METTL4: variants seen among roughly 807,000 people sequenced by gnomAD.
The protein encoded by METTL4 is N(6)-adenine-specific methyltransferase METTL4.
In METTL4, 40 loss-of-function variants were observed where a neutral mutation model predicts 54.0. The observed-to-expected ratio is 0.74, with a 90% CI of 0.58 to 0.96. METTL4 has a LOEUF of 0.96. METTL4 is among the 50% of genes least tolerant of loss of function. The pLI is 0.00. For missense variants in METTL4, 525 were observed against 549.0 expected, an observed-to-expected ratio of 0.96 and a Z score of 0.44; for synonymous variants, 169 against 183.8, an observed-to-expected ratio of 0.92 and a Z score of 0.65.
intron 3 of METTL4, among the ~76,000 whole-genome samples, chr18:2,560,670 G>A (rs796928182): frequency 4.6e-5 from 7 of 152,284 alleles, no homozygotes; most frequent in African/African-American, 1.7e-4. Context: ...GAGGTCAGGA[G>A]ATTGAGATCA....
At chr18:2,562,230 G>A (rs2072332431) in intron 3 of METTL4, 1 of 152,214 alleles carries the variant, frequency 6.6e-6, no homozygotes, top group Non-Finnish European at 1.5e-5. Flanking sequence ...AAAATTAGCT[G>A]AGCGTGGTGG....
At chr18:2,551,297 C>T (rs1384684788) in intron 5 of METTL4, among the ~76,000 whole-genome samples, 1 of 151,638 alleles carries the variant, frequency 6.6e-6, no homozygotes, top group African/African-American at 2.4e-5. Flanking sequence ...TACCCTTTCT[C>T]TTAATTAATT....
rs143900421 is a variant in METTL4 at position 2,554,952 on chromosome 18, C to T, written c.546G>A (p.Gln182=). 301 of 1,614,032 alleles carry T rather than the reference C, an allele frequency of 1.9e-4. No individual in the cohort carries two copies. The African/African-American group carries it at 3.1e-3, about 17-fold the overall frequency. Residue 182 remains glutamine (Q), a synonymous_variant, in exon 4 of 9, where the codon CAG becomes CAA. Coordinates refer to ENST00000574538, the MANE Select transcript of METTL4 (RefSeq NM_022840.5). ...AAGTAATGGGCTTACTACCCTTGTCCTGTTTTTCAAAAAGTGGATAAAGAA... is the reference window on the plus strand; with the variant it reads ...AAGTAATGGGCTTACTACCCTTGTCTTGTTTTTCAAAAAGTGGATAAAGAA... ...SGFLYPLFEK[Q]DKGSKPITLP...
chr18:2,568,496 A>G (rs2072454949), intron 1 of METTL4: 1 of 152,312 alleles, frequency 6.6e-6, no homozygotes, highest in Non-Finnish European at 1.5e-5. Context: ...CCACGCCTGT[A>G]ATCGCAGCAC....
chr18:2,567,936 C>T (rs146115091), intron 1 of METTL4, among the ~76,000 whole-genome samples: 8 of 152,284 alleles, frequency 5.3e-5, no homozygotes, highest in African/African-American at 1.4e-4. Flanking sequence ...CTAGCAAAAC[C>T]GCAAGGTTAA....
intron 8 of METTL4, among the ~76,000 whole-genome samples, chr18:2,542,876 C>T (rs916126729): frequency 2.6e-5 from 4 of 151,942 alleles, no homozygotes; most frequent in African/African-American, 9.7e-5. Flanking sequence ...GCCTGTAATC[C>T]CAGCACTTTG....
At chr18:2,547,944 AC>A (rs1354889681) in intron 5 of METTL4, among the ~76,000 whole-genome samples, 7 of 152,198 alleles carry the variant, frequency 4.6e-5, no homozygotes, top group African/African-American at 1.7e-4. Context: ...CTTACCTGGC[AC>A]CAAATCAGTG....
chr18:2,544,225 T>C lies in METTL4; in HGVS notation c.1243A>G (p.Thr415Ala), dbSNP rs1296777396. The change falls in exon 8 of 9, where the codon ACT becomes GCT. Residue 415 changes from threonine to alanine, a missense_variant. Coordinates refer to ENST00000574538, the MANE Select transcript of METTL4 (RefSeq NM_022840.5). ...DHKLIVSVPC[T>A]LHSHKPPLAE... is the part of the protein sequence containing the mutation. ...AGCGGTGGCTTATGTGAGTGAAGAG[T>C]ACAGGGCACGCTGACAATTAATTTG... 2 of 1,613,050 alleles carry C rather than the reference T, an allele frequency of 1.2e-6. No individual in the cohort carries two copies. Among genetic ancestry groups the C allele is most frequent in the Non-Finnish European group, 1.7e-6 (2 of 1,179,688 alleles).
chr18:2,570,773 T>C (rs1185622222), intron 1 of METTL4, among the ~76,000 whole-genome samples: 5 of 152,278 alleles, frequency 3.3e-5, no homozygotes, highest in Middle Eastern at 6.8e-3. Context: ...CGCTAGTTAA[T>C]GGCACAATTG....
intron 3 of METTL4, among the ~76,000 whole-genome samples, chr18:2,562,489 A>C (rs2072336543): frequency 6.6e-6 from 1 of 152,258 alleles, no homozygotes; most frequent in Admixed American, 6.5e-5. Flanking sequence ...TCACAGAAAC[A>C]TTATTCATAA....
chr18:2,557,396 A>G (rs1246717999), intron 3 of METTL4, among the ~76,000 whole-genome samples: 1 of 152,206 alleles, frequency 6.6e-6, no homozygotes, highest in Non-Finnish European at 1.5e-5. Flanking sequence ...GGAACACCTC[A>G]TGATTCACAG....
Position 2,555,015 on chromosome 18 carries a change from T to A in METTL4, c.483A>T (p.Gly161=). 1.2e-6 allele frequency: 2 copies of A among 1,613,748 alleles called. No homozygotes were observed. Among genetic ancestry groups the A allele is most frequent in the Non-Finnish European group, 1.7e-6 (2 of 1,179,864 alleles). Residue 161 remains glycine (G), a synonymous_variant, in exon 4 of 9, where the codon GGA becomes GGT. Transcript: ENST00000574538. ...HTKIRELILD[G]SLQLIQEGLK... ...GACCTTCCTGGATCAACTGTAAAGA[T>A]CCATCCAAAATCAGCTCCCTGATCT... is the stretch of plus-strand genomic sequence containing the variant.
chr18:2,549,818 C>CT (rs1365374913), intron 5 of METTL4, among the ~76,000 whole-genome samples: 1 of 50,664 alleles, frequency 2.0e-5, no homozygotes, highest in African/African-American at 1.0e-4. Context: ...CCCATCTCTA[C>CT]TAAAAAAAAA....
chr18:2,556,852 A>G (rs2072246392), intron 3 of METTL4, among the ~76,000 whole-genome samples: 2 of 152,102 alleles, frequency 1.3e-5, no homozygotes, highest in Admixed American at 6.6e-5. Context: ...GGGAGGAGGA[A>G]GAAGAGGAGG....
chr18:2,548,197 G>C (rs1358459785), intron 5 of METTL4, among the ~76,000 whole-genome samples: 3 of 151,914 alleles, frequency 2.0e-5, no homozygotes, highest in Non-Finnish European at 4.4e-5. Context: ...CTATAATCTT[G>C]TACCTCCTGG....
At position 2,544,703 on chromosome 18, in the gene METTL4, G is replaced by A. The variant is rs7226507; in HGVS notation, c.1131C>T (p.Tyr377=). The change falls in exon 7 of 9, where the codon TAC becomes TAT. Residue 377 remains tyrosine (Y), a synonymous_variant. Coordinates refer to ENST00000574538, the MANE Select transcript of METTL4 (RefSeq NM_022840.5). ...FPLDSPHKKP[Y]EGLILGRVQE... ...GAACCCTCCCCAGTATAAGACCTTC[G>A]TAGGGCTTTTTGTGTGGAGAATCTA... The A allele has an allele frequency of 0.042, 67,433 of 1,611,642 alleles. 2,383 individuals carry two copies. The highest frequency in any genetic ancestry group is 0.18 in the African/African-American group (13,691 of 74,738).
chr18:2,560,245 A>G (rs1196346859), intron 3 of METTL4, among the ~76,000 whole-genome samples: 1 of 152,202 alleles, frequency 6.6e-6, no homozygotes, highest in African/African-American at 2.4e-5. Context: ...AAATTCTTCT[A>G]TCAATAAATA....
Position 2,539,158 on chromosome 18 carries a change from G to A in METTL4, c.1274-13C>T. 3 of 1,599,078 alleles carry A rather than the reference G, an allele frequency of 1.9e-6. No individual in the cohort carries two copies. Among genetic ancestry groups the A allele is most frequent in the Admixed American group, 1.7e-5 (1 of 57,928 alleles). ...TCTTTTAAAACCTCTGTTTAAAAAA[G>A]AGAAAAAACACAAAAATTATTATTG... On this transcript the variant is annotated splice_polypyrimidine_tract_variant and intron_variant, in intron 8 of 8. Transcript: ENST00000574538.
chr18:2,565,266 A>G (rs758447878), intron 2 of METTL4, among the ~76,000 whole-genome samples: 2 of 151,924 alleles, frequency 1.3e-5, no homozygotes, highest in Non-Finnish European at 2.9e-5. Flanking sequence ...GAAACAGAGC[A>G]AGACTCCGTC....
Sources: allele counts gnomAD v4.1 joint callset (sites outside exome capture counted in the v4.1 genomes callset), GRCh38; gene constraint gnomAD v4.1.1; transcripts MANE v1.5; gene names NCBI Gene and HGNC (gene_info 2026-07-23, HGNC 2026-07-21).